The following NKAIN2 variants were observed in gnomAD, a reference collection of about 807,000 sequenced individuals.
NKAIN2 encodes the protein sodium/potassium transporting ATPase interacting 2.
Under a neutral mutation model 32.6 loss-of-function variants are expected in NKAIN2, and 14 were observed. The ratio of observed to expected loss-of-function variants is 0.43; its 90% CI spans 0.28 to 0.67. NKAIN2 has a LOEUF of 0.67. Ranked by LOEUF, NKAIN2 falls within the 30% of genes least tolerant of loss-of-function variation. The pLI is 0.17. For synonymous variants in NKAIN2, 80 were observed against 87.2 expected (o/e 0.92, Z 0.46); for missense variants, 198 against 258.3 (o/e 0.77, Z 1.60).
chr6:124,619,288 A>G (rs1472738104), intron 3 of NKAIN2, among the ~76,000 whole-genome samples: 1 of 152,308 alleles, frequency 6.6e-6, no homozygotes, highest in Middle Eastern at 3.4e-3. Context: ...GAAGTTTTCT[A>G]TTAAATATTT....
intron 3 of NKAIN2, among the ~76,000 whole-genome samples, chr6:124,465,995 A>T (rs1057157963): frequency 3.9e-5 from 6 of 152,012 alleles, no homozygotes; most frequent in Admixed American, 1.3e-4. Context: ...ATAAAAACAA[A>T]CTCACATGTA....
At chr6:124,088,712 G>A (rs949693789) in intron 1 of NKAIN2, among the ~76,000 whole-genome samples, 2 of 151,960 alleles carry the variant, frequency 1.3e-5, no homozygotes, top group African/African-American at 4.8e-5. Context: ...TTGATGTACT[G>A]ATTGATTACA....
At chr6:123,834,453 C>T (rs997665640) in intron 1 of NKAIN2, among the ~76,000 whole-genome samples, 4 of 152,220 alleles carry the variant, frequency 2.6e-5, no homozygotes, top group African/African-American at 9.6e-5. Flanking sequence ...CCACACCTGG[C>T]TGTTCCAGGA....
chr6:124,415,019 A>G (rs2114512570), intron 3 of NKAIN2, among the ~76,000 whole-genome samples: 3 of 152,294 alleles, frequency 2.0e-5, no homozygotes, highest in Admixed American at 2.0e-4. Context: ...ACTCAACAAT[A>G]GTCAACACAG....
chr6:124,505,783 T>C (rs939623993), intron 3 of NKAIN2, among the ~76,000 whole-genome samples: 3 of 152,124 alleles, frequency 2.0e-5, no homozygotes, highest in Non-Finnish European at 2.9e-5. Flanking sequence ...GAGAGAAGTA[T>C]TGTGGATGCA....
chr6:124,133,963 C>A (rs1255434666), intron 1 of NKAIN2, among the ~76,000 whole-genome samples: 2 of 151,972 alleles, frequency 1.3e-5, no homozygotes, highest in African/African-American at 2.4e-5. Context: ...GGCAATATGA[C>A]AAAACAGAGT....
intron 1 of NKAIN2, among the ~76,000 whole-genome samples, chr6:124,011,670 G>T (rs1245579391): frequency 6.6e-6 from 1 of 152,110 alleles, no homozygotes; most frequent in Non-Finnish European, 1.5e-5. Flanking sequence ...CTTTTTATAC[G>T]TTATGGCTAT....
chr6:124,237,753 T>G (rs802301), intron 1 of NKAIN2, among the ~76,000 whole-genome samples: 106,653 of 151,980 alleles, frequency 0.7, 37,602 homozygotes, highest in South Asian at 0.76. Context: ...GTCCTTGATG[T>G]CCAGTATAGC....
chr6:124,209,555 A>G (rs981124679), intron 1 of NKAIN2, among the ~76,000 whole-genome samples: 1 of 151,646 alleles, frequency 6.6e-6, no homozygotes, highest in Non-Finnish European at 1.5e-5. Flanking sequence ...TATACTAATA[A>G]TAGTTTACAT....
intron 3 of NKAIN2, among the ~76,000 whole-genome samples, chr6:124,616,838 TG>T: frequency 6.6e-6 from 1 of 152,132 alleles, no homozygotes; most frequent in East Asian, 1.9e-4. Context: ...CGCATAGCAC[TG>T]ATAGTGCTAT....
At chr6:124,214,658 G>A in intron 1 of NKAIN2, among the ~76,000 whole-genome samples, 1 of 152,106 alleles carries the variant, frequency 6.6e-6, no homozygotes, top group South Asian at 2.1e-4. Context: ...CCAGGATCAT[G>A]CCACTGCATT....
chr6:124,822,163 C>A (rs1781420413), intron 6 of NKAIN2, among the ~76,000 whole-genome samples: 1 of 152,178 alleles, frequency 6.6e-6, no homozygotes, highest in African/African-American at 2.4e-5. Flanking sequence ...TTTTCAACTT[C>A]ATAGCCCACA....
Position 124,415,557 on chromosome 6 carries a change from T to G in NKAIN2, c.273+60210T>G, listed in dbSNP as rs148330472. Among the ~76,000 whole-genome samples the G allele has an allele frequency of 1.5e-3, 227 of 152,256 alleles. 1 individual carries two copies. The highest frequency in any genetic ancestry group is 5.2e-3 in the African/African-American group (215 of 41,562). On this transcript the variant is annotated intron_variant, in intron 3 of 6. Coordinates refer to ENST00000368417, the MANE Select transcript of NKAIN2 (RefSeq NM_001040214.3). ...TGGAGGCTTCATTATGTGGGCATGA[T>G]TGATTAAACCAATGGCCATTGAGAA... is the stretch of plus-strand genomic sequence containing the variant.
chr6:123,959,925 A>ATGTGTG lies in NKAIN2; in HGVS notation c.54+155713_54+155718dup, dbSNP rs6149793. Among the ~76,000 whole-genome samples the ATGTGTG allele has an allele frequency of 4.9e-3, 694 of 141,358 alleles. 6 individuals are homozygous for ATGTGTG. The highest frequency in any genetic ancestry group is 6.0e-3 in the African/African-American group (229 of 37,964). 92.7% of individuals were successfully genotyped at this position (141,358 alleles called of 152,430 possible). On this transcript the variant is annotated intron_variant, in intron 1 of 6. Coordinates refer to ENST00000368417, the MANE Select transcript of NKAIN2 (RefSeq NM_001040214.3). Reference sequence around the variant, plus strand: ...GCAGAAGGAAATATGTCTTCCATATATGTGTGTGTGTGTGTGTGTGTGTGT... The same window carrying ATGTGTG: ...GCAGAAGGAAATATGTCTTCCATATATGTGTGTGTGTGTGTGTGTGTGTGTGTGTGT...
intron 2 of NKAIN2, among the ~76,000 whole-genome samples, chr6:124,332,588 A>G (rs1235879938): frequency 1.3e-5 from 2 of 151,844 alleles, no homozygotes; most frequent in Non-Finnish European, 2.9e-5. Flanking sequence ...TTTTTTTCTC[A>G]TGATATATTC....
intron 4 of NKAIN2, among the ~76,000 whole-genome samples, chr6:124,765,892 C>G (rs1778493479): frequency 6.6e-6 from 1 of 152,148 alleles, no homozygotes; most frequent in African/African-American, 2.4e-5. Flanking sequence ...TTAAATTGGT[C>G]CTGTTCAGGG....
intron 1 of NKAIN2, among the ~76,000 whole-genome samples, chr6:123,822,855 A>G (rs1197197302): frequency 6.6e-6 from 1 of 152,214 alleles, no homozygotes; most frequent in East Asian, 1.9e-4. Context: ...GAATTTGAGT[A>G]GTTAATGCAT....
intron 4 of NKAIN2, among the ~76,000 whole-genome samples, chr6:124,787,919 T>C (rs1272538788): frequency 6.6e-6 from 1 of 152,036 alleles, no homozygotes; most frequent in African/African-American, 2.4e-5. Flanking sequence ...AATCTCACTC[T>C]GGAAAAGCAA....
chr6:124,351,204 G>C lies in NKAIN2; in HGVS notation c.193-4063G>C, dbSNP rs576625670. On this transcript the variant is annotated intron_variant, in intron 2 of 6. Transcript: ENST00000368417. ...TCTAGTGAATAATATGTTGCATTAA[G>C]TAAACAAGTCTAGTTTGCAAGTTCA... Among the ~76,000 whole-genome samples, 11 of 152,170 alleles carry C rather than the reference G, an allele frequency of 7.2e-5. No homozygotes were observed. The East Asian group carries it at 2.1e-3, about 29-fold the overall frequency.
Sources: allele counts gnomAD v4.1 joint callset (sites outside exome capture counted in the v4.1 genomes callset), GRCh38; gene constraint gnomAD v4.1.1; transcripts MANE v1.5; gene names NCBI Gene and HGNC (gene_info 2026-07-23, HGNC 2026-07-21).